The following FLVCR1 variants were observed in gnomAD, a reference collection of about 807,000 sequenced individuals.
FLVCR1 encodes choline/ethanolamine transporter FLVCR1.
A neutral mutation model predicts 53.6 loss-of-function variants in FLVCR1; 34 were observed. The ratio of observed to expected loss-of-function variants is 0.63; its 90% CI spans 0.48 to 0.84. The LOEUF is 0.84. FLVCR1 is among the 40% of genes least tolerant of loss of function. The pLI, the probability that FLVCR1 is intolerant of heterozygous loss-of-function variation, is 0.00. For synonymous variants in FLVCR1, 300 were observed against 286.3 expected (o/e 1.05, Z -0.48); for missense variants, 677 against 696.7 (o/e 0.97, Z 0.32).
At chr1:212,894,042 C>T (rs963897499) in intron 8 of FLVCR1, among the ~76,000 whole-genome samples, 9 of 152,030 alleles carry the variant, frequency 5.9e-5, no homozygotes, top group Middle Eastern at 3.4e-3. Context: ...TCTCAAAGTG[C>T]TAGGATTACA....
intron 3 of FLVCR1, among the ~76,000 whole-genome samples, chr1:212,880,285 A>G (rs1014735260): frequency 6.6e-6 from 1 of 152,238 alleles, no homozygotes; most frequent in African/African-American, 2.4e-5. Flanking sequence ...TTGTAATGGA[A>G]CAAACCAACT....
rs1316609228 is a variant in FLVCR1, at chr1:212,898,332, A to G, written c.*3042A>G. 1 of 152,214 alleles carries G rather than the reference A, an allele frequency of 6.6e-6. No individual in the cohort carries two copies. Among genetic ancestry groups the G allele is most frequent in the African/African-American group, 2.4e-5 (1 of 41,450 alleles). 9.4% of individuals were successfully genotyped at this position (152,214 alleles called of 1,614,324 possible). A position where few individuals can be genotyped will look rare whatever the true frequency, so the allele number is the denominator to read the frequency against. On this transcript the variant is annotated 3_prime_UTR_variant, in exon 10 of 10. Coordinates refer to ENST00000366971, the MANE Select transcript of FLVCR1 (RefSeq NM_014053.4). Reference sequence around the variant, plus strand: ...TTTTTAGTCAGTTGAGGGTAACTCAAGCAGAGTATGTCCAATCATTAGCTT... The same window carrying G: ...TTTTTAGTCAGTTGAGGGTAACTCAGGCAGAGTATGTCCAATCATTAGCTT...
chr1:212,888,028 A>G, intron 6 of FLVCR1, 27 bp downstream of exon 6: 3 of 1,204,388 alleles, frequency 2.5e-6, no homozygotes, highest in Admixed American at 1.7e-5. Flanking sequence ...TTTAGGAGGA[A>G]TGATAGCATG....
At chr1:212,879,972 G>GTT (rs1405648161) in intron 3 of FLVCR1, among the ~76,000 whole-genome samples, 1 of 79,532 alleles carries the variant, frequency 1.3e-5, no homozygotes, top group Non-Finnish European at 3.0e-5. Flanking sequence ...AGATAACATA[G>GTT]TATTTTTTTT....
intron 3 of FLVCR1, among the ~76,000 whole-genome samples, chr1:212,878,326 C>T (rs1664821740): frequency 6.6e-6 from 1 of 151,952 alleles, no homozygotes; most frequent in Non-Finnish European, 1.5e-5. Context: ...CATGGTGAAA[C>T]CCTGTCTCTT....
chr1:212,885,221 G>T, intron 4 of FLVCR1, 72 bp from the exon 5 acceptor site: 2 of 988,712 alleles, frequency 2.0e-6, no homozygotes, highest in Non-Finnish European at 1.6e-6. Context: ...CTATGAAAAG[G>T]TGTGGGAATG....
At chr1:212,867,064 TGGAAGTCCC>T (rs955822518) in intron 2 of FLVCR1, among the ~76,000 whole-genome samples, 19 of 152,254 alleles carry the variant, frequency 1.2e-4, no homozygotes, top group Admixed American at 5.2e-4. Flanking sequence ...ATACTTACTT[TGGAAGTCCC>T]ACCACGTCCT....
In FLVCR1 at chr1:212,895,993, C is replaced by T. The variant is rs1479865277; in HGVS notation, c.*703C>T. On this transcript the variant is annotated 3_prime_UTR_variant, in exon 10 of 10. Transcript: ENST00000366971. ...TAGAATTATGTTCTAATTAAGGAGC[C>T]TGGTTACAGGTTCATTCTGTCTTGA... 3 of 152,330 alleles carry T rather than the reference C, an allele frequency of 2.0e-5. No individual in the cohort carries two copies. Among genetic ancestry groups the T allele is most frequent in the African/African-American group, 7.2e-5 (3 of 41,452 alleles). 9.4% of individuals were successfully genotyped at this position (152,330 alleles called of 1,614,324 possible).
chr1:212,880,809 A>G (rs1023945558), intron 3 of FLVCR1, among the ~76,000 whole-genome samples: 2 of 151,876 alleles, frequency 1.3e-5, no homozygotes, highest in African/African-American at 2.4e-5. Flanking sequence ...AAAAAAAAAA[A>G]AAAAGAAGTC....
chr1:212,883,575 A>G (rs752954250), intron 4 of FLVCR1, 137 bp downstream of exon 4: 18 of 631,190 alleles, frequency 2.9e-5, no homozygotes, highest in Non-Finnish European at 5.1e-5. Flanking sequence ...TTAATTGAGA[A>G]TATATTTGTT....
chr1:212,893,314 C>T (rs1665247078), intron 8 of FLVCR1, among the ~76,000 whole-genome samples: 1 of 152,084 alleles, frequency 6.6e-6, no homozygotes, highest in Non-Finnish European at 1.5e-5. Context: ...CTCGGCCTCC[C>T]AAAGTGCTGG....
chr1:212,858,712 G>T lies in FLVCR1; in HGVS notation c.260G>T (p.Gly87Val), dbSNP rs1325812623. Residue 87 changes from glycine (G) to valine (V), a missense_variant, in exon 1 of 10, where the codon GGA becomes GTA. Coordinates refer to ENST00000366971, the MANE Select transcript of FLVCR1 (RefSeq NM_014053.4). ...GCCCGGCTGCTGCCTGCGGGCGCGG[G>T]AGCTGAGACCCCGGGGGCCGAGAGC... ...TQARLLPAGA[G>V]AETPGAESSP... The T allele has an allele frequency of 6.2e-7, 1 of 1,600,914 alleles. No homozygotes were observed.
In FLVCR1 at chr1:212,858,545, T is replaced by C; in HGVS notation, c.93T>C (p.Val31=). The change falls in exon 1 of 10, where the codon GTT becomes GTC. Residue 31 remains valine (V), a synonymous_variant. Coordinates refer to ENST00000366971, the MANE Select transcript of FLVCR1 (RefSeq NM_014053.4). Reference sequence around the variant, plus strand: ...TCCCGTTGCCGAGGGGCGCGCCCGTTGGGAAGGAGAGCGTGGAGCTGCAGA... The same window carrying C: ...TCCCGTTGCCGAGGGGCGCGCCCGTCGGGAAGGAGAGCGTGGAGCTGCAGA... The part of the protein sequence containing the change: ...GYLPLPRGAP[V]GKESVELQNG... 4 of 1,465,816 alleles carry C rather than the reference T, an allele frequency of 2.7e-6. No individual in the cohort carries two copies. The highest frequency in any genetic ancestry group is 3.6e-6 in the Non-Finnish European group (4 of 1,110,402). The allele number at this position is 1,465,816 out of a possible 1,614,324, so 90.8% of individuals were successfully genotyped here. A position where few individuals can be genotyped will look rare whatever the true frequency, so the allele number is the denominator to read the frequency against.
intron 1 of FLVCR1, among the ~76,000 whole-genome samples, chr1:212,860,350 G>GTTTTGTTTTTTTTTTT (rs1664186338): frequency 1.2e-5 from 1 of 85,824 alleles, no homozygotes; most frequent in African/African-American, 3.8e-5. Context: ...TGTGTGTGTG[G>GTTTTGTTTTTTTTTTT]TTTTTTTTTT....
At chr1:212,874,916 TACACACAC>T (rs57061343) in intron 3 of FLVCR1, among the ~76,000 whole-genome samples, 4 of 149,362 alleles carry the variant, frequency 2.7e-5, no homozygotes, top group African/African-American at 9.9e-5. Flanking sequence ...GTCACAGACG[TACACACAC>T]ACACACACAC....
At chr1:212,861,303 C>T (rs1664233380) in intron 1 of FLVCR1, among the ~76,000 whole-genome samples, 1 of 152,228 alleles carries the variant, frequency 6.6e-6, no homozygotes, top group African/African-American at 2.4e-5. Flanking sequence ...TATTTCTTCA[C>T]TTGACTAACT....
rs889167254 is a variant in FLVCR1, at chr1:212,898,262, T to C, written c.*2972T>C. 4 of 152,232 alleles carry C rather than the reference T, an allele frequency of 2.6e-5. No individual in the cohort carries two copies. Among genetic ancestry groups the C allele is most frequent in the African/African-American group, 9.6e-5 (4 of 41,470 alleles). 9.4% of individuals were successfully genotyped at this position (152,232 alleles called of 1,614,324 possible). ...TGGACAATTGGATAAACAAATGTGATTGCTACCTTATGGATACAACGGACT... is the reference window on the plus strand; with the variant it reads ...TGGACAATTGGATAAACAAATGTGACTGCTACCTTATGGATACAACGGACT... On this transcript the variant is annotated 3_prime_UTR_variant, in exon 10 of 10. Transcript: ENST00000366971.
rs916015252 is a variant in FLVCR1 at position 212,858,477 on chromosome 1, G to A, written c.25G>A (p.Gly9Arg). Reference sequence around the variant, plus strand: ...TATGGCGCGGCCAGACGATGAGGAGGGGGCGGCGGTGGCGCCCGGACACCC... The same window carrying A: ...TATGGCGCGGCCAGACGATGAGGAGAGGGCGGCGGTGGCGCCCGGACACCC... MARPDDEE[G>R]AAVAPGHPLA... The change falls in exon 1 of 10, where the codon GGG becomes AGG. Residue 9 changes from glycine to arginine, a missense_variant. By Grantham distance (125) the Gly-to-Arg change is moderately radical. Coordinates refer to ENST00000366971, the MANE Select transcript of FLVCR1 (RefSeq NM_014053.4). The A allele has an allele frequency of 1.2e-5, 18 of 1,442,232 alleles. No individual in the cohort carries two copies. The African/African-American group carries it at 2.3e-4, about 18-fold the overall frequency. The allele number at this position is 1,442,232 out of a possible 1,614,324, so 89.3% of individuals were successfully genotyped here.
At chr1:212,872,234 C>T (rs1267994613) in intron 2 of FLVCR1, among the ~76,000 whole-genome samples, 1 of 152,160 alleles carries the variant, frequency 6.6e-6, no homozygotes, top group African/African-American at 2.4e-5. Flanking sequence ...CCCCCTTCAA[C>T]CTCCCAAAGA....
Sources: allele counts gnomAD v4.1 joint callset (sites outside exome capture counted in the v4.1 genomes callset), GRCh38; gene constraint gnomAD v4.1.1; transcripts MANE v1.5; gene names NCBI Gene and HGNC (gene_info 2026-07-23, HGNC 2026-07-21).